Variants in CCNYL1 observed in about 807,000 individuals in gnomAD.
CCNYL1 encodes cyclin-Y-like protein 1.
CCNYL1 carries 16 observed loss-of-function variants against 44.2 expected under a neutral mutation model. That is an observed-to-expected ratio of 0.36 (90% CI 0.25 to 0.55). The LOEUF is 0.55. Among genes scored for constraint, CCNYL1 ranks in the 20% least tolerant of loss-of-function variants. The pLI is 0.85. For synonymous variants in CCNYL1, 159 were observed against 163.2 expected (o/e 0.97, Z 0.20); for missense variants, 348 against 451.8 (o/e 0.77, Z 2.08).
intron 1 of CCNYL1, among the ~76,000 whole-genome samples, chr2:207,722,165 T>G (rs1278007246): frequency 6.6e-6 from 1 of 150,798 alleles, no homozygotes; most frequent in Admixed American, 6.7e-5. Flanking sequence ...CTCTGCCTCC[T>G]GGGTTCAAGC....
intron 8 of CCNYL1, among the ~76,000 whole-genome samples, chr2:207,747,805 G>A (rs1009721450): frequency 2.0e-5 from 3 of 152,080 alleles, no homozygotes; most frequent in Non-Finnish European, 4.4e-5. Context: ...TGATTCGCCC[G>A]CCTCCGTCTC....
intron 1 of CCNYL1, among the ~76,000 whole-genome samples, chr2:207,714,098 T>C (rs1310530115): frequency 1.3e-5 from 2 of 152,176 alleles, no homozygotes; most frequent in Admixed American, 6.5e-5. Flanking sequence ...AGAATGACTA[T>C]GTAAGACAGC....
At chr2:207,735,772 C>T (rs1446454751) in intron 4 of CCNYL1, among the ~76,000 whole-genome samples, 2 of 151,862 alleles carry the variant, frequency 1.3e-5, no homozygotes, top group East Asian at 3.9e-4. Context: ...GAGGCTGAGA[C>T]AGAATAGCTT....
rs896956596 is a variant in CCNYL1 at position 207,749,053 on chromosome 2, C to G, written c.806+1840C>G. Among the ~76,000 whole-genome samples the G allele has an allele frequency of 3.9e-5, 6 of 152,158 alleles. No individual in the cohort carries two copies. The East Asian group carries it at 9.6e-4, about 24-fold the overall frequency. On this transcript the variant is annotated intron_variant, in intron 8 of 9. Coordinates refer to ENST00000295414, the MANE Select transcript of CCNYL1 (RefSeq NM_001330218.2). ...ACCTGCAACTGAACTGACTGGTGCTCTAGTTCAAGATACAGTATCAGAGAA... is the reference window on the plus strand; with the variant it reads ...ACCTGCAACTGAACTGACTGGTGCTGTAGTTCAAGATACAGTATCAGAGAA...
At position 207,742,277 on chromosome 2, in the gene CCNYL1, T is replaced by C; in HGVS notation, c.574T>C (p.Tyr192His). The C allele has an allele frequency of 6.2e-7, 1 of 1,612,700 alleles. No individual in the cohort carries two copies. The highest frequency in any genetic ancestry group is 8.5e-7 in the Non-Finnish European group (1 of 1,179,404). ...GCATGATCCTGAGCACAAATTTATT[T>C]ACAGATTTGTTCGTACTCTTTTTAG... ...FKHDPEHKFI[Y>H]RFVRTLFSAA... The change falls in exon 7 of 10, where the codon TAC (tyrosine) becomes CAC (histidine). Residue 192 changes from tyrosine to histidine, a missense_variant. Transcript: ENST00000295414.
intron 3 of CCNYL1, 88 bp downstream of exon 3, chr2:207,726,964 A>T (rs542688035): frequency 2.3e-6 from 2 of 872,574 alleles, no homozygotes; most frequent in Middle Eastern, 2.5e-4. Flanking sequence ...TGGGGACCCA[A>T]TACTGTTAGT....
intron 8 of CCNYL1, among the ~76,000 whole-genome samples, chr2:207,748,055 A>G (rs1238184529): frequency 6.6e-6 from 1 of 152,174 alleles, no homozygotes; most frequent in African/African-American, 2.4e-5. Flanking sequence ...GAAGTTACGT[A>G]GCTTCAACCT....
rs1479626807 is a variant in CCNYL1, at chr2:207,711,904, A to G, written c.8A>G (p.Asn3Ser). 2.3e-5 allele frequency: 32 copies of G among 1,384,376 alleles called. No homozygotes were observed. The highest frequency in any genetic ancestry group is 2.9e-5 in the Non-Finnish European group (31 of 1,066,366). 85.8% of individuals were successfully genotyped at this position (1,384,376 alleles called of 1,614,324 possible). The change falls in exon 1 of 10, where the codon AAC becomes AGC. Residue 3 changes from asparagine (N) to serine (S), a missense_variant. Asn to Ser is a conservative substitution (Grantham distance 46). This residue lies in a region of CCNYL1 where 209 missense variants were observed against 247.7 expected (regional missense o/e 0.84). Coordinates refer to ENST00000295414, the MANE Select transcript of CCNYL1 (RefSeq NM_001330218.2). ...GAGGAGCGGAGGCTTCCCATGGGGA[A>G]CACGCTGACCTGTTGCGTGTCCCCC... MG[N>S]TLTCCVSPNA...
intron 3 of CCNYL1, among the ~76,000 whole-genome samples, chr2:207,729,472 CTT>C (rs1489413224): frequency 4.6e-5 from 7 of 152,092 alleles, no homozygotes; most frequent in African/African-American, 1.7e-4. Flanking sequence ...TTTGCTCTCT[CTT>C]GTTGGAGGCT....
At chr2:207,723,344 T>A (rs994180639) in intron 1 of CCNYL1, among the ~76,000 whole-genome samples, 1 of 152,206 alleles carries the variant, frequency 6.6e-6, no homozygotes, top group Non-Finnish European at 1.5e-5. Context: ...GTAGATAAAT[T>A]TGTGAAATGC....
At chr2:207,725,716 G>A (rs1468612440) in intron 2 of CCNYL1, among the ~76,000 whole-genome samples, 1 of 152,186 alleles carries the variant, frequency 6.6e-6, no homozygotes, top group African/African-American at 2.4e-5. Flanking sequence ...GTGTTTCCCA[G>A]AAGGTTAGCC....
intron 7 of CCNYL1, among the ~76,000 whole-genome samples, chr2:207,744,018 A>G (rs1440316390): frequency 6.6e-6 from 1 of 152,116 alleles, no homozygotes; most frequent in East Asian, 1.9e-4. Context: ...CTAGTGAGGA[A>G]GACATTTTTT....
In CCNYL1 at chr2:207,740,707, G is replaced by A. The variant is rs2091802475; in HGVS notation, c.519+1G>A. ...TGATGAGAGATCACATCCACTTACA[G>A]TAAGTGTCACTTTTTTTGAGGTAGT... On this transcript the variant is annotated splice_donor_variant, in intron 6 of 9. Transcript: ENST00000295414. LOFTEE classifies it high-confidence loss of function. 1 of 1,594,632 alleles carries A rather than the reference G, an allele frequency of 6.3e-7. No individual in the cohort carries two copies. Among genetic ancestry groups the A allele is most frequent in the African/African-American group, 1.3e-5 (1 of 74,450 alleles).
intron 1 of CCNYL1, among the ~76,000 whole-genome samples, 166 bp downstream of exon 1, chr2:207,712,282 C>T (rs986857592): frequency 2.0e-5 from 3 of 152,188 alleles, no homozygotes; most frequent in Non-Finnish European, 4.4e-5. Context: ...TCTTGCCCTG[C>T]TGCGTCTGGC....
At chr2:207,737,094 T>C (rs934050780) in intron 4 of CCNYL1, among the ~76,000 whole-genome samples, 1 of 152,162 alleles carries the variant, frequency 6.6e-6, no homozygotes, top group African/African-American at 2.4e-5. Flanking sequence ...TTTTTGTATT[T>C]TTAGTAGAGA....
chr2:207,726,141 C>T (rs1374888687), intron 2 of CCNYL1, among the ~76,000 whole-genome samples: 1 of 152,128 alleles, frequency 6.6e-6, no homozygotes, highest in Non-Finnish European at 1.5e-5. Context: ...GGAGTGTGTG[C>T]TTGTGATACT....
chr2:207,731,624 G>GT (rs541441172), intron 3 of CCNYL1, among the ~76,000 whole-genome samples: 80 of 152,130 alleles, frequency 5.3e-4, no homozygotes, highest in African/African-American at 1.9e-3. Flanking sequence ...AAATTGTTGA[G>GT]TTTTCCAGCA....
In CCNYL1 at chr2:207,728,273, T is replaced by C. The variant is rs544774547; in HGVS notation, c.330+1397T>C. ...CACTGCACCTGGCCTTTTTTTTTTT[T>C]TTTCTTTTTTTCTCTTTTTTGAGAC... On this transcript the variant is annotated intron_variant, in intron 3 of 9. Transcript: ENST00000295414. 4.1e-3 allele frequency among the ~76,000 whole-genome samples: 616 copies of C among 151,646 alleles called. 4 individuals carry two copies. Among genetic ancestry groups the C allele is most frequent in the African/African-American group, 0.014 (587 of 41,340 alleles).
intron 3 of CCNYL1, among the ~76,000 whole-genome samples, chr2:207,733,242 A>ACTC (rs2105829434): frequency 1.3e-5 from 2 of 152,334 alleles, no homozygotes; most frequent in East Asian, 3.9e-4. Flanking sequence ...AAAATTAATA[A>ACTC]CATTTTGAAA....
Sources: gnomAD v4.1 joint callset for allele counts (sites outside exome capture counted in the v4.1 genomes callset) on GRCh38, gnomAD v4.1.1 for gene constraint, gnomAD v4.1.1 regional missense constraint, MANE v1.5 for transcripts, NCBI Gene and HGNC (gene_info 2026-07-23, HGNC 2026-07-21) for gene names.